Variants in CHD6 observed in about 807,000 individuals in gnomAD.
CHD6 encodes ATP-dependent chromatin remodeler CHD6.
A neutral mutation model predicts 276.9 loss-of-function variants in CHD6; 50 were observed. That is an observed-to-expected ratio of 0.18 (90% CI 0.14 to 0.23). The LOEUF (loss-of-function observed/expected upper bound fraction) is 0.23. Among genes scored for constraint, CHD6 ranks in the 10% least tolerant of loss-of-function variants. CHD6 has a pLI of 1.00. For synonymous variants in CHD6, 1,173 were observed against 1,229.3 expected (o/e 0.95, Z 0.96); for missense variants, 2,564 against 3,365.8 (o/e 0.76, Z 5.89).
intron 8 of CHD6, among the ~76,000 whole-genome samples, chr20:41,494,754 TC>T: frequency 6.6e-6 from 1 of 152,144 alleles, no homozygotes; most frequent in Non-Finnish European, 1.5e-5. Context: ...GCTAATTTCA[TC>T]GTCTAATCAA....
chr20:41,500,879 C>T (rs1193985408), intron 5 of CHD6, among the ~76,000 whole-genome samples: 1 of 152,144 alleles, frequency 6.6e-6, no homozygotes, highest in Non-Finnish European at 1.5e-5. Flanking sequence ...TCTGAGGCCA[C>T]AGAGTAGAGA....
chr20:41,419,348 G>A (rs997468329), intron 31 of CHD6, among the ~76,000 whole-genome samples: 7 of 151,812 alleles, frequency 4.6e-5, no homozygotes, highest in South Asian at 2.1e-4. Flanking sequence ...GGGAGGCTGA[G>A]GCAAGTGGAT....
intron 2 of CHD6, among the ~76,000 whole-genome samples, chr20:41,534,959 CG>C (rs1011778650): frequency 4.9e-4 from 75 of 152,194 alleles, no homozygotes; most frequent in African/African-American, 1.6e-3. Flanking sequence ...GAGCTGTCCT[CG>C]GAAGATTCTT....
intron 1 of CHD6, among the ~76,000 whole-genome samples, chr20:41,572,132 CT>C (rs1307568777): frequency 2.6e-5 from 4 of 152,208 alleles, no homozygotes; most frequent in Non-Finnish European, 5.9e-5. Context: ...TCAGTACTAG[CT>C]CTGTAATAAT....
intron 1 of CHD6, among the ~76,000 whole-genome samples, chr20:41,562,065 G>A (rs1338206533): frequency 6.6e-6 from 1 of 150,780 alleles, no homozygotes; most frequent in Non-Finnish European, 1.5e-5. Context: ...TTGAATGATG[G>A]ACCTTCTTGG....
chr20:41,583,122 AT>A (rs2045558428), intron 1 of CHD6, among the ~76,000 whole-genome samples: 1 of 152,202 alleles, frequency 6.6e-6, no homozygotes, highest in Non-Finnish European at 1.5e-5. Flanking sequence ...AAATAAAGTC[AT>A]CAAATCACAG....
At chr20:41,411,645 T>G (rs1405720939) in intron 36 of CHD6, among the ~76,000 whole-genome samples, 1 of 152,224 alleles carries the variant, frequency 6.6e-6, no homozygotes, top group African/African-American at 2.4e-5. Context: ...CTAGAAGTAT[T>G]CTGCAGAAGT....
At chr20:41,439,374 A>G (rs986311806) in intron 26 of CHD6, among the ~76,000 whole-genome samples, 5 of 152,068 alleles carry the variant, frequency 3.3e-5, no homozygotes, top group African/African-American at 9.7e-5. Flanking sequence ...AAAAAAAGCT[A>G]TGTTTTCAAA....
At chr20:41,440,348 G>A (rs1033727043) in intron 25 of CHD6, among the ~76,000 whole-genome samples, 3 of 152,298 alleles carry the variant, frequency 2.0e-5, no homozygotes, top group Non-Finnish European at 4.4e-5. Context: ...AATGGCTTAC[G>A]GAAATACTCA....
At chr20:41,578,327 A>G (rs548916552) in intron 1 of CHD6, among the ~76,000 whole-genome samples, 1 of 152,336 alleles carries the variant, frequency 6.6e-6, no homozygotes, top group South Asian at 2.1e-4. Flanking sequence ...TCACAATGAT[A>G]CCTCTTTTAC....
intron 1 of CHD6, among the ~76,000 whole-genome samples, chr20:41,571,517 G>A (rs191442699): frequency 3.3e-5 from 5 of 150,688 alleles, no homozygotes; most frequent in East Asian, 3.9e-4. Flanking sequence ...TCAGCCTTCC[G>A]AGTAGCTGGG....
chr20:41,431,205 G>A (rs2047527481), intron 27 of CHD6, among the ~76,000 whole-genome samples: 1 of 152,168 alleles, frequency 6.6e-6, no homozygotes, highest in South Asian at 2.1e-4. Context: ...GCTTCATGCT[G>A]ATTTGCTTCA....
In CHD6 at chr20:41,450,215, A is replaced by T. The variant is rs541321841; in HGVS notation, c.3683+731T>A. On this transcript the variant is annotated intron_variant, in intron 23 of 36. Transcript: ENST00000373233. ...GGGAAAACCCAAGCAAAAGCTCTTA[A>T]CCTATAAAGTAATAAACTCTTGATT... is the stretch of plus-strand genomic sequence containing the variant. Among the ~76,000 whole-genome samples the T allele has an allele frequency of 3.3e-5, 5 of 152,320 alleles. No homozygotes were observed. In the East Asian group the frequency reaches 9.6e-4, roughly 29 times the overall value.
intron 1 of CHD6, among the ~76,000 whole-genome samples, chr20:41,587,453 T>G (rs1428789792): frequency 6.6e-6 from 1 of 152,246 alleles, no homozygotes; most frequent in Admixed American, 6.5e-5. Context: ...GCCTTTCAGA[T>G]GAATCAGCTT....
chr20:41,532,470 C>T (rs977820640), intron 3 of CHD6, among the ~76,000 whole-genome samples: 2 of 152,212 alleles, frequency 1.3e-5, no homozygotes, highest in Admixed American at 6.5e-5. Flanking sequence ...CCACTCTACA[C>T]GACTGCTGTT....
chr20:41,521,456 T>TGTA (rs1387101669), intron 3 of CHD6, among the ~76,000 whole-genome samples: 1 of 152,208 alleles, frequency 6.6e-6, no homozygotes, highest in Non-Finnish European at 1.5e-5. Flanking sequence ...TACTGTCAGA[T>TGTA]GAATCTCAAC....
chr20:41,496,819 C>A (rs742431), intron 8 of CHD6: 68,141 of 153,702 alleles, frequency 0.44, 17,695 homozygotes, highest in African/African-American at 0.72. Context: ...TGTGTAGGCT[C>A]TATTACAGGG....
intron 1 of CHD6, among the ~76,000 whole-genome samples, chr20:41,600,753 G>T (rs1332427113): frequency 2.0e-5 from 3 of 152,116 alleles, no homozygotes; most frequent in Non-Finnish European, 4.4e-5. Flanking sequence ...ATCTAGTCAA[G>T]CAATTGCAGT....
intron 8 of CHD6, chr20:41,496,751 T>A (rs1469029688): frequency 6.6e-6 from 1 of 152,354 alleles, no homozygotes; most frequent in East Asian, 1.9e-4. Context: ...TTTCCTCTAT[T>A]CTCGGCCAAG....
Sources: gnomAD v4.1 joint callset for allele counts (sites outside exome capture counted in the v4.1 genomes callset) on GRCh38, gnomAD v4.1.1 for gene constraint, MANE v1.5 for transcripts, NCBI Gene and HGNC (gene_info 2026-07-23, HGNC 2026-07-21) for gene names.